Variants in KCNIP1 observed in about 807,000 individuals in gnomAD.
The protein encoded by KCNIP1 is potassium voltage-gated channel interacting protein 1, also known as A-type potassium channel modulatory protein KCNIP1.
A neutral mutation model predicts 33.0 loss-of-function variants in KCNIP1; 18 were observed. That is an observed-to-expected ratio of 0.55 (90% confidence interval 0.38 to 0.81). The LOEUF is 0.81. Ranked by LOEUF, KCNIP1 falls within the 30% of genes least tolerant of loss-of-function variation. The pLI, the probability that KCNIP1 is intolerant of heterozygous loss-of-function variation, is 0.00. For missense variants in KCNIP1, 238 were observed against 271.6 expected (o/e 0.88, Z 0.87); for synonymous variants, 93 against 98.3 (o/e 0.95, Z 0.32).
intron 1 of KCNIP1, among the ~76,000 whole-genome samples, chr5:170,597,110 G>A (rs1758465454): frequency 6.6e-6 from 1 of 152,220 alleles, no homozygotes; most frequent in Admixed American, 6.5e-5. Flanking sequence ...CAGCATCCGA[G>A]CTCTGAACCA....
intron 1 of KCNIP1, among the ~76,000 whole-genome samples, chr5:170,645,046 C>A (rs1404789705): frequency 6.6e-6 from 1 of 152,142 alleles, no homozygotes; most frequent in East Asian, 1.9e-4. Context: ...GCATAAGCAC[C>A]CTTGTTGGTA....
chr5:170,405,268 T>A (rs544177383), intron 1 of KCNIP1, among the ~76,000 whole-genome samples: 1 of 152,086 alleles, frequency 6.6e-6, no homozygotes, highest in East Asian at 1.9e-4. Context: ...AATCTCGGCA[T>A]ACTGTAACCT....
intron 1 of KCNIP1, among the ~76,000 whole-genome samples, chr5:170,649,464 G>A (rs530148445): frequency 5.3e-5 from 8 of 152,322 alleles, no homozygotes; most frequent in African/African-American, 1.9e-4. Flanking sequence ...TGATGAAGGA[G>A]TGAGTGGGAG....
At chr5:170,555,820 C>CT (rs1756824568) in intron 1 of KCNIP1, among the ~76,000 whole-genome samples, 1 of 152,106 alleles carries the variant, frequency 6.6e-6, no homozygotes, top group African/African-American at 2.4e-5. Flanking sequence ...GGAATGGTGA[C>CT]GTATCTGGTT....
In KCNIP1 at chr5:170,574,547, G is replaced by A. The variant is rs534794265; in HGVS notation, c.61+69914G>A. 3.3e-5 allele frequency among the ~76,000 whole-genome samples: 5 copies of A among 152,298 alleles called. No homozygotes were observed. The South Asian group carries it at 6.2e-4, about 19-fold the overall frequency. ...AAACAATTACAGATATGGCAGGCTCGCCAAGCACTTCCATACCACATGGTT... is the reference window on the plus strand; with the variant it reads ...AAACAATTACAGATATGGCAGGCTCACCAAGCACTTCCATACCACATGGTT... On this transcript the variant is annotated intron_variant, in intron 1 of 7. Coordinates refer to ENST00000328939, the MANE Select transcript of KCNIP1 (RefSeq NM_014592.4).
chr5:170,731,518 C>CA (rs1764191911), intron 5 of KCNIP1, among the ~76,000 whole-genome samples: 1 of 151,978 alleles, frequency 6.6e-6, no homozygotes, highest in Non-Finnish European at 1.5e-5. Flanking sequence ...GCCTGGGCAA[C>CA]ATGGCAAAAC....
upstream of KCNIP1, among the ~76,000 whole-genome samples, chr5:170,502,810 G>A (rs939253800): frequency 1.3e-5 from 2 of 152,122 alleles, no homozygotes; most frequent in African/African-American, 4.8e-5. Context: ...CAATCAAAAT[G>A]GGTCTCAGTG....
chr5:170,558,877 A>G (rs6879266), intron 1 of KCNIP1, among the ~76,000 whole-genome samples: 12,082 of 152,254 alleles, frequency 0.079, 1,545 homozygotes, highest in African/African-American at 0.26. Flanking sequence ...ATATGGGACT[A>G]TATCTTCTTA....
At chr5:170,448,346 A>G (rs1486982727) in intron 1 of KCNIP1, among the ~76,000 whole-genome samples, 4 of 152,262 alleles carry the variant, frequency 2.6e-5, no homozygotes, top group Non-Finnish European at 5.9e-5. Flanking sequence ...CATGTCTTGT[A>G]CATCTGCTGT....
chr5:170,478,297 A>T lies in KCNIP1; in HGVS notation c.88+124333A>T, dbSNP rs561011553. On this transcript the variant is annotated intron_variant, in intron 1 of 7. Coordinates refer to the KCNIP1 transcript ENST00000377360. ...CATGATTATCATAAAGTTTGGGAGC[A>T]TAATGGTTAGAAAGATATCACAGAC... Among the ~76,000 whole-genome samples, 104 of 152,384 alleles carry T rather than the reference A, an allele frequency of 6.8e-4. 1 individual carries two copies. The highest frequency in any genetic ancestry group is 2.5e-3 in the African/African-American group (102 of 41,596).
intron 1 of KCNIP1, among the ~76,000 whole-genome samples, chr5:170,600,378 AT>A (rs1464515814): frequency 2.0e-5 from 3 of 152,192 alleles, no homozygotes; most frequent in Non-Finnish European, 4.4e-5. Flanking sequence ...TGTGCCTGGA[AT>A]TCTCTTCCTT....
chr5:170,586,416 T>G (rs929686943), intron 1 of KCNIP1, among the ~76,000 whole-genome samples: 1 of 152,160 alleles, frequency 6.6e-6, no homozygotes, highest in Admixed American at 6.5e-5. Context: ...TAGGCAAGAA[T>G]GTAAAAGCCC....
intron 1 of KCNIP1, among the ~76,000 whole-genome samples, chr5:170,657,367 A>G (rs1428613320): frequency 6.6e-6 from 1 of 152,068 alleles, no homozygotes; most frequent in Non-Finnish European, 1.5e-5. Flanking sequence ...AATGAGGGTG[A>G]GGAGGGGGCC....
intron 1 of KCNIP1, among the ~76,000 whole-genome samples, chr5:170,648,832 TG>T (rs532855700): frequency 4.6e-5 from 7 of 152,074 alleles, no homozygotes; most frequent in Non-Finnish European, 1.0e-4. Flanking sequence ...ATGTTGATGG[TG>T]GGGGAAGCTG....
chr5:170,378,843 A>G (rs774689786), intron 1 of KCNIP1: 1 of 1,614,230 alleles, frequency 6.2e-7, no homozygotes, highest in Non-Finnish European at 8.5e-7. Flanking sequence ...CTGGAATAGG[A>G]CGCTGGTTTC....
intron 1 of KCNIP1, among the ~76,000 whole-genome samples, chr5:170,601,746 G>A (rs961954105): frequency 7.2e-5 from 11 of 152,228 alleles, no homozygotes; most frequent in South Asian, 2.1e-4. Flanking sequence ...CCCACAGGCC[G>A]GCAGGGAGAG....
intron 1 of KCNIP1, among the ~76,000 whole-genome samples, chr5:170,655,613 C>T (rs1761228761): frequency 6.6e-6 from 1 of 152,174 alleles, no homozygotes; most frequent in Admixed American, 6.5e-5. Flanking sequence ...ACTTCTTCCC[C>T]AGTTTCAGGT....
chr5:170,416,156 G>A (rs919785412), intron 1 of KCNIP1, among the ~76,000 whole-genome samples: 27 of 152,066 alleles, frequency 1.8e-4, no homozygotes, highest in Admixed American at 6.5e-4. Flanking sequence ...TTGTCGCCCA[G>A]CCTCACTCTG....
chr5:170,508,752 C>G (rs1452319634), intron 1 of KCNIP1, among the ~76,000 whole-genome samples: 2 of 152,226 alleles, frequency 1.3e-5, no homozygotes, highest in Non-Finnish European at 2.9e-5. Context: ...CACCGACATT[C>G]CAAGACCTCA....
Sources: gnomAD v4.1 joint callset for allele counts (sites outside exome capture counted in the v4.1 genomes callset) on GRCh38, gnomAD v4.1.1 for gene constraint, MANE v1.5 for transcripts, NCBI Gene and HGNC (gene_info 2026-07-23, HGNC 2026-07-21) for gene names.